TMEM132D: variants seen among roughly 807,000 people sequenced by gnomAD.
TMEM132D encodes mature OL transmembrane protein.
In TMEM132D, 21 loss-of-function variants were observed where a neutral mutation model predicts 62.3. The observed-to-expected ratio is 0.34, with a 90% CI of 0.24 to 0.49. TMEM132D has a LOEUF of 0.49. TMEM132D is among the 20% of genes least tolerant of loss of function. TMEM132D has a pLI of 0.99. For missense variants in TMEM132D, 1,346 were observed against 1,402.8 expected, an observed-to-expected ratio of 0.96 and a Z score of 0.65; for synonymous variants, 621 against 575.6, an observed-to-expected ratio of 1.08 and a Z score of -1.13.
chr12:129,784,248 G>A (rs1392720263), intron 1 of TMEM132D, among the ~76,000 whole-genome samples: 1 of 152,180 alleles, frequency 6.6e-6, no homozygotes, highest in African/African-American at 2.4e-5. Flanking sequence ...TTGAAATCCT[G>A]AAACTACTCT....
intron 3 of TMEM132D, among the ~76,000 whole-genome samples, chr12:129,447,529 C>T (rs751567263): frequency 1.3e-5 from 2 of 152,046 alleles, no homozygotes; most frequent in African/African-American, 2.4e-5. Flanking sequence ...TGAAGAATAA[C>T]GTAAGCAAAC....
intron 7 of TMEM132D, among the ~76,000 whole-genome samples, chr12:129,079,153 C>T (rs58047598): frequency 0.11 from 17,085 of 152,092 alleles, 1,043 homozygotes; most frequent in Middle Eastern, 0.18. Flanking sequence ...CAGTGAATGA[C>T]GGGTTGGGTG....
At chr12:129,264,388 C>CA (rs901654749) in intron 4 of TMEM132D, among the ~76,000 whole-genome samples, 55 of 150,410 alleles carry the variant, frequency 3.7e-4, no homozygotes, top group Non-Finnish European at 4.6e-4. Context: ...AATCCTGTCT[C>CA]AAAAAAAAAG....
intron 2 of TMEM132D, among the ~76,000 whole-genome samples, chr12:129,690,936 A>T (rs1424154580): frequency 6.6e-6 from 1 of 152,144 alleles, no homozygotes; most frequent in Non-Finnish European, 1.5e-5. Context: ...GAAAGATTAC[A>T]TTCTGTGCCA....
At chr12:129,462,032 A>G (rs1214863775) in intron 3 of TMEM132D, among the ~76,000 whole-genome samples, 6 of 152,206 alleles carry the variant, frequency 3.9e-5, no homozygotes, top group Non-Finnish European at 8.8e-5. Context: ...TAACTCACTC[A>G]AGGCCACAGA....
At chr12:129,709,021 T>A (rs1881575374) in intron 1 of TMEM132D, among the ~76,000 whole-genome samples, 1 of 152,174 alleles carries the variant, frequency 6.6e-6, no homozygotes. Context: ...TCAGGCGCTA[T>A]TACACCAGAC....
intron 2 of TMEM132D, among the ~76,000 whole-genome samples, chr12:129,597,721 C>T (rs1444954050): frequency 6.6e-6 from 1 of 152,202 alleles, no homozygotes; most frequent in Non-Finnish European, 1.5e-5. Context: ...TCAACCATAA[C>T]ATAGCATTTA....
intron 3 of TMEM132D, among the ~76,000 whole-genome samples, chr12:129,351,846 A>G (rs1281514020): frequency 6.6e-6 from 1 of 152,230 alleles, no homozygotes; most frequent in East Asian, 1.9e-4. Flanking sequence ...TGGAACTTGG[A>G]GTTAAGAACA....
chr12:129,603,924 G>A (rs1212589197), intron 2 of TMEM132D, among the ~76,000 whole-genome samples: 9 of 152,156 alleles, frequency 5.9e-5, no homozygotes, highest in Admixed American at 5.9e-4. Flanking sequence ...CAACCCAAAT[G>A]CCCATCACTG....
chr12:129,562,919 T>G (rs895397100), intron 2 of TMEM132D, among the ~76,000 whole-genome samples: 9 of 152,220 alleles, frequency 5.9e-5, no homozygotes, highest in African/African-American at 1.7e-4. Context: ...GCATCCCCTG[T>G]ACTCCAGTAG....
intron 1 of TMEM132D, among the ~76,000 whole-genome samples, chr12:129,837,505 A>C (rs1873043079): frequency 6.6e-6 from 1 of 152,228 alleles, no homozygotes; most frequent in Non-Finnish European, 1.5e-5. Context: ...ATACACAAAA[A>C]AGAACAGCAC....
At chr12:129,180,529 C>T (rs188644612) in intron 5 of TMEM132D, among the ~76,000 whole-genome samples, 7 of 152,236 alleles carry the variant, frequency 4.6e-5, no homozygotes, top group Admixed American at 6.5e-5. Flanking sequence ...ATGATGAATA[C>T]GAGACAGACA....
intron 4 of TMEM132D, among the ~76,000 whole-genome samples, chr12:129,227,921 C>A (rs972303723): frequency 9.9e-5 from 15 of 152,198 alleles, no homozygotes; most frequent in Admixed American, 9.8e-4. Context: ...CTACAAATGA[C>A]TTGAACTCAT....
At chr12:129,549,489 C>T (rs1876831064) in intron 2 of TMEM132D, among the ~76,000 whole-genome samples, 1 of 152,184 alleles carries the variant, frequency 6.6e-6, no homozygotes, top group African/African-American at 2.4e-5. Context: ...GAGGAAACCC[C>T]TTTGGCTTGG....
In TMEM132D at chr12:129,287,516, C is replaced by T. The variant is rs546539866; in HGVS notation, c.1299+50118G>A. Among the ~76,000 whole-genome samples, 3 of 152,214 alleles carry T rather than the reference C, an allele frequency of 2.0e-5. No individual in the cohort carries two copies. The South Asian group carries it at 6.2e-4, about 32-fold the overall frequency. ...GTGCAAAAGTAGTTGCAGGTTTTGC[C>T]ATTACTTTTATAATTATTTTAATTA... On this transcript the variant is annotated intron_variant, in intron 4 of 8. Coordinates refer to ENST00000422113, the MANE Select transcript of TMEM132D (RefSeq NM_133448.3).
At chr12:129,142,253 G>T (rs1042458161) in intron 5 of TMEM132D, among the ~76,000 whole-genome samples, 1 of 152,152 alleles carries the variant, frequency 6.6e-6, no homozygotes, top group East Asian at 1.9e-4. Flanking sequence ...CCTATCGTAC[G>T]TTGATGACCA....
At chr12:129,631,020 G>A (rs905957937) in intron 2 of TMEM132D, among the ~76,000 whole-genome samples, 9 of 152,092 alleles carry the variant, frequency 5.9e-5, no homozygotes, top group African/African-American at 2.2e-4. Flanking sequence ...TGACAGACTG[G>A]ATAAAGAATT....
At chr12:129,218,871 A>C (rs1054173920) in intron 4 of TMEM132D, among the ~76,000 whole-genome samples, 10 of 152,200 alleles carry the variant, frequency 6.6e-5, no homozygotes, top group African/African-American at 1.9e-4. Flanking sequence ...GTGACAGGGG[A>C]AGCCAACACA....
Position 129,538,757 on chromosome 12 carries a change from CT to C in TMEM132D, c.969-7553del, listed in dbSNP as rs531423957. Among the ~76,000 whole-genome samples, 11 of 152,346 alleles carry C rather than the reference CT, an allele frequency of 7.2e-5. No homozygotes were observed. The East Asian group carries it at 1.7e-3, about 24-fold the overall frequency. ...ATGACGATGAGAGGTAATAAAATTT[CT>C]GCACAATGAGATGAAGGGAGGTGAC... On this transcript the variant is annotated intron_variant, in intron 2 of 8. Coordinates refer to ENST00000422113, the MANE Select transcript of TMEM132D (RefSeq NM_133448.3).
Sources: gnomAD v4.1 joint callset for allele counts (sites outside exome capture counted in the v4.1 genomes callset) on GRCh38, gnomAD v4.1.1 for gene constraint, MANE v1.5 for transcripts, NCBI Gene and HGNC (gene_info 2026-07-23, HGNC 2026-07-21) for gene names.